The following DAB1 variants were observed in gnomAD, a reference collection of about 807,000 sequenced individuals.
The protein encoded by DAB1 is disabled homolog 1.
A neutral mutation model predicts 64.6 loss-of-function variants in DAB1; 15 were observed. That is an observed-to-expected ratio of 0.23 (90% confidence interval 0.16 to 0.36). DAB1 has a LOEUF of 0.36. Among genes scored for constraint, DAB1 ranks in the 10% least tolerant of loss-of-function variants. The pLI, the probability that DAB1 is intolerant of heterozygous loss-of-function variation, is 1.00. For missense variants in DAB1, 596 were observed against 706.7 expected, an observed-to-expected ratio of 0.84 and a Z score of 1.78; for synonymous variants, 235 against 251.9, an observed-to-expected ratio of 0.93 and a Z score of 0.64.
chr1:57,605,816 A>G, intron 7 of DAB1: 1 of 477,352 alleles, frequency 2.1e-6, no homozygotes, highest in East Asian at 3.9e-5. Flanking sequence ...TATTTTAAAC[A>G]ACCAGTAATC....
chr1:58,069,794 A>C (rs1431661736), intron 5 of DAB1, among the ~76,000 whole-genome samples: 2 of 152,264 alleles, frequency 1.3e-5, no homozygotes, highest in Admixed American at 6.5e-5. Context: ...CTGAGGCTCA[A>C]AAAGTTGTCA....
chr1:57,993,997 T>C (rs1436220385), intron 5 of DAB1, among the ~76,000 whole-genome samples: 1 of 152,202 alleles, frequency 6.6e-6, no homozygotes, highest in South Asian at 2.1e-4. Flanking sequence ...AAGAGGTCTC[T>C]CTCCTTATAA....
At chr1:58,407,268 C>T (rs1002747045) in intron 3 of DAB1, among the ~76,000 whole-genome samples, 2 of 152,172 alleles carry the variant, frequency 1.3e-5, no homozygotes, top group African/African-American at 4.8e-5. Flanking sequence ...GACACCGTGG[C>T]ACCCCTCAGC....
chr1:57,943,170 C>T (rs1645128714), intron 5 of DAB1, among the ~76,000 whole-genome samples: 1 of 152,180 alleles, frequency 6.6e-6, no homozygotes, highest in African/African-American at 2.4e-5. Flanking sequence ...GAGTTATGCT[C>T]TTTCTGCCTG....
intron 5 of DAB1, among the ~76,000 whole-genome samples, chr1:57,901,194 T>C (rs574202490): frequency 3.3e-4 from 51 of 152,274 alleles, no homozygotes; most frequent in Admixed American, 3.2e-3. Context: ...ACCTTCCTTC[T>C]TGCTTTTTAC....
At chr1:57,569,443 T>A (rs1002831075) in intron 7 of DAB1, among the ~76,000 whole-genome samples, 7 of 152,060 alleles carry the variant, frequency 4.6e-5, no homozygotes, top group Non-Finnish European at 8.8e-5. Context: ...TGTAGGGACA[T>A]GGATGAAGCT....
intron 3 of DAB1, among the ~76,000 whole-genome samples, chr1:57,142,637 C>A (rs1244107392): frequency 7.0e-6 from 1 of 143,878 alleles, no homozygotes. Flanking sequence ...CACATACACA[C>A]ACACACACAC....
chr1:57,287,262 A>C (rs997654227), intron 2 of DAB1, among the ~76,000 whole-genome samples: 1 of 152,112 alleles, frequency 6.6e-6, no homozygotes, highest in Non-Finnish European at 1.5e-5. Flanking sequence ...TTTTGTAAAG[A>C]TGGGGTTTCA....
intron 7 of DAB1, among the ~76,000 whole-genome samples, chr1:57,490,430 T>G (rs574455253): frequency 1.3e-5 from 2 of 152,136 alleles, no homozygotes; most frequent in Non-Finnish European, 2.9e-5. Flanking sequence ...TAATTATAAT[T>G]TGGTGATCAT....
At chr1:57,828,085 A>T (rs372347845) in intron 1 of DAB1, among the ~76,000 whole-genome samples, 1 of 152,042 alleles carries the variant, frequency 6.6e-6, no homozygotes, top group South Asian at 2.1e-4. Context: ...ACCTGGGACT[A>T]CAGGCGCCCA....
chr1:58,400,103 G>A (rs1644556726), intron 3 of DAB1, among the ~76,000 whole-genome samples: 1 of 152,002 alleles, frequency 6.6e-6, no homozygotes, highest in Middle Eastern at 3.4e-3. Context: ...GCTAAACAAA[G>A]GAAATAGAGA....
intron 4 of DAB1, among the ~76,000 whole-genome samples, chr1:57,087,839 T>G (rs576793993): frequency 6.6e-6 from 1 of 152,320 alleles, no homozygotes; most frequent in East Asian, 1.9e-4. Flanking sequence ...CACCTATCTT[T>G]AACCTGTCCG....
intron 7 of DAB1, among the ~76,000 whole-genome samples, chr1:57,551,304 G>A (rs1251550494): frequency 1.3e-5 from 2 of 152,204 alleles, no homozygotes; most frequent in South Asian, 2.1e-4. Flanking sequence ...ATGTCTATAA[G>A]TATTGCCGAG....
At chr1:58,481,496 G>A (rs377291504) in intron 3 of DAB1, among the ~76,000 whole-genome samples, 175 of 152,084 alleles carry the variant, frequency 1.2e-3, no homozygotes, top group African/African-American at 4.1e-3. Context: ...CTAGCAGACC[G>A]GAGAATCATT....
chr1:57,400,911 G>A (rs778567617), intron 1 of DAB1, among the ~76,000 whole-genome samples: 12 of 151,142 alleles, frequency 7.9e-5, no homozygotes, highest in East Asian at 2.0e-4. Flanking sequence ...TATTCACATC[G>A]TCTTGCTTTG....
rs1331794383 is a variant in DAB1, at chr1:57,742,023, CTGGAGCAGGT to C, written n.552-92368_552-92359del. ...CCCATGGGGGTGGAGGTTCAACCAC[CTGGAGCAGGT>C]TGAAAGTGGGAAATAAAAAGTAGGG... On this transcript the variant is annotated intron_variant and non_coding_transcript_variant, in intron 6 of 20. Transcript: ENST00000485760. Among the ~76,000 whole-genome samples, 10 of 152,254 alleles carry C rather than the reference CTGGAGCAGGT, an allele frequency of 6.6e-5. No homozygotes were observed. The East Asian group carries it at 1.7e-3, about 27-fold the overall frequency.
intron 3 of DAB1, among the ~76,000 whole-genome samples, chr1:58,452,089 C>T (rs542415715): frequency 5.3e-5 from 8 of 151,964 alleles, no homozygotes; most frequent in Middle Eastern, 6.8e-3. Flanking sequence ...CGAGCCAACA[C>T]GTCAGGCCAA....
rs538356262 is a variant in DAB1 at position 58,296,406 on chromosome 1, G to GAAACATC, written n.309+46939_309+46945dup. Among the ~76,000 whole-genome samples, 493 of 152,262 alleles carry GAAACATC rather than the reference G, an allele frequency of 3.2e-3. 1 individual carries two copies. The highest frequency in any genetic ancestry group is 0.011 in the African/African-American group (456 of 41,570). ...GATCCGCTGGCAAAGGCTATGCGCA[G>GAAACATC]AAACATCAAACATCAAACAACAGGA... is the stretch of plus-strand genomic sequence containing the variant. On this transcript the variant is annotated intron_variant and non_coding_transcript_variant, in intron 4 of 20. Transcript: ENST00000485760.
intron 2 of DAB1, among the ~76,000 whole-genome samples, chr1:57,267,123 C>A (rs1226221763): frequency 4.0e-5 from 6 of 151,766 alleles, no homozygotes; most frequent in Non-Finnish European, 8.8e-5. Context: ...TTCTGGTAGG[C>A]CTTAAGTCCA....
Sources: gnomAD v4.1 joint callset for allele counts (sites outside exome capture counted in the v4.1 genomes callset) on GRCh38, gnomAD v4.1.1 for gene constraint, MANE v1.5 for transcripts, NCBI Gene and HGNC (gene_info 2026-07-23, HGNC 2026-07-21) for gene names.